B4GALT1: variants seen among roughly 807,000 people sequenced by gnomAD.
B4GALT1 encodes N-acetyllactosamine synthase.
B4GALT1 carries 16 observed loss-of-function variants against 34.9 expected under a neutral mutation model. That is an observed-to-expected ratio of 0.46 (90% CI 0.31 to 0.70). The LOEUF is 0.70. B4GALT1 is among the 30% of genes least tolerant of loss of function. The probability of loss-of-function intolerance (pLI) is 0.05; values close to 1 mark genes in which losing one functional copy is unlikely to be tolerated. For missense variants in B4GALT1, 445 were observed against 530.5 expected (o/e 0.84, Z 1.58); for synonymous variants, 221 against 218.1 (o/e 1.01, Z -0.12).
intron 1 of B4GALT1, among the ~76,000 whole-genome samples, chr9:33,142,708 C>G (rs909988381): frequency 2.6e-5 from 4 of 152,128 alleles, no homozygotes; most frequent in Admixed American, 2.0e-4. Context: ...CTCAAGCAAT[C>G]CTCTCGCCTC....
the B4GALT1 span, among the ~76,000 whole-genome samples, chr9:33,184,205 T>C: frequency 6.6e-6 from 1 of 150,572 alleles, no homozygotes; most frequent in Admixed American, 6.6e-5. Context: ...GAAAAAGAAT[T>C]GTCATCAATC....
At chr9:33,133,344 C>T (rs1276101570) in intron 2 of B4GALT1, among the ~76,000 whole-genome samples, 1 of 152,226 alleles carries the variant, frequency 6.6e-6, no homozygotes, top group Non-Finnish European at 1.5e-5. Context: ...CCCTCATCTA[C>T]TGGCATAGCA....
chr9:33,146,822 T>C (rs1840432607), intron 1 of B4GALT1, among the ~76,000 whole-genome samples: 1 of 152,060 alleles, frequency 6.6e-6, no homozygotes, highest in East Asian at 1.9e-4. Flanking sequence ...GCCTACTGAG[T>C]ACCTGGGAAT....
intron 1 of B4GALT1, among the ~76,000 whole-genome samples, chr9:33,155,235 GA>G (rs946328888): frequency 6.6e-6 from 1 of 152,104 alleles, no homozygotes; most frequent in African/African-American, 2.4e-5. Context: ...CAGTAGGTTG[GA>G]AAGAGAGCTG....
chr9:33,147,484 T>C (rs1471501796), intron 1 of B4GALT1, among the ~76,000 whole-genome samples: 1 of 152,090 alleles, frequency 6.6e-6, no homozygotes, highest in Non-Finnish European at 1.5e-5. Context: ...TGACCTCGGG[T>C]GATCTGCCCA....
At chr9:33,167,374 G>GGGCGGGGCCCCGGCGAA (rs1281090002), upstream of B4GALT1, 18 of 579,440 alleles carry the variant, frequency 3.1e-5, no homozygotes, top group Non-Finnish European at 4.1e-5. Flanking sequence ...GAGAGGGGAG[G>GGGCGGGGCCCCGGCGAA]GGCGGGGCCC....
chr9:33,145,161 T>A (rs1320544423), intron 1 of B4GALT1, among the ~76,000 whole-genome samples: 3 of 152,038 alleles, frequency 2.0e-5, no homozygotes, highest in Non-Finnish European at 4.4e-5. Flanking sequence ...TGTTTCTAGG[T>A]TTAGCACCTG....
intron 3 of B4GALT1, among the ~76,000 whole-genome samples, chr9:33,119,459 G>A (rs1294162941): frequency 6.6e-6 from 1 of 152,238 alleles, no homozygotes; most frequent in Non-Finnish European, 1.5e-5. Flanking sequence ...GTTCACACCT[G>A]TAATCCCAAT....
rs912536638 is a variant in B4GALT1 at position 33,116,715 on chromosome 9, G to T, written c.837-602C>A. 2.0e-5 allele frequency among the ~76,000 whole-genome samples: 3 copies of T among 151,834 alleles called. No individual in the cohort carries two copies. The South Asian group carries it at 6.3e-4, about 32-fold the overall frequency. On this transcript the variant is annotated intron_variant, in intron 3 of 5. Coordinates refer to ENST00000379731, the MANE Select transcript of B4GALT1 (RefSeq NM_001497.4). The stretch of plus-strand genomic sequence containing the variant: ...TTTTTGTATTTTTAGTACAGATGGG[G>T]TTTCACCATATTGGTCAGGCTGGTC...
chr9:33,145,629 C>A (rs1840414216), intron 1 of B4GALT1, among the ~76,000 whole-genome samples: 1 of 144,682 alleles, frequency 6.9e-6, no homozygotes, highest in Non-Finnish European at 1.5e-5. Flanking sequence ...AGGAAAGAAA[C>A]TGAAGGCCAT....
intron 1 of B4GALT1, among the ~76,000 whole-genome samples, chr9:33,139,119 A>C (rs891950503): frequency 1.3e-5 from 2 of 152,166 alleles, no homozygotes; most frequent in Admixed American, 1.3e-4. Context: ...GATATGTATC[A>C]AGACCACTTT....
chr9:33,140,591 G>A (rs1840334480), intron 1 of B4GALT1, among the ~76,000 whole-genome samples: 1 of 152,170 alleles, frequency 6.6e-6, no homozygotes, highest in Non-Finnish European at 1.5e-5. Context: ...GGAAACATTT[G>A]GGAACACGTG....
At chr9:33,118,733 C>A (rs1465030328) in intron 3 of B4GALT1, among the ~76,000 whole-genome samples, 1 of 152,036 alleles carries the variant, frequency 6.6e-6, no homozygotes, top group Non-Finnish European at 1.5e-5. Flanking sequence ...TCTACATGAG[C>A]CAACCACACT....
chr9:33,109,077 T>C (rs941131621), downstream of B4GALT1, among the ~76,000 whole-genome samples: 87 of 152,344 alleles, frequency 5.7e-4, no homozygotes, highest in African/African-American at 1.9e-3. Flanking sequence ...GGATGGGGAC[T>C]GGTCACCAGA....
intron 2 of B4GALT1, among the ~76,000 whole-genome samples, chr9:33,126,718 C>G (rs545656668): frequency 3.2e-4 from 20 of 63,110 alleles, no homozygotes; most frequent in African/African-American, 9.2e-4. Flanking sequence ...AACTCTTCAC[C>G]CCAGTGAGTG....
downstream of B4GALT1, among the ~76,000 whole-genome samples, chr9:33,106,370 A>G (rs1839796910): frequency 6.6e-6 from 1 of 151,756 alleles, no homozygotes; most frequent in Non-Finnish European, 1.5e-5. Context: ...CCTATTTCTT[A>G]CTCCTGGGAG....
chr9:33,108,461 A>AAG, downstream of B4GALT1, among the ~76,000 whole-genome samples: 1 of 151,636 alleles, frequency 6.6e-6, no homozygotes, highest in East Asian at 1.9e-4. Flanking sequence ...AAAAAAAAAA[A>AAG]AAATTCTGAA....
chr9:33,180,525 C>A, the B4GALT1 span, among the ~76,000 whole-genome samples: 1 of 152,208 alleles, frequency 6.6e-6, no homozygotes, highest in African/African-American at 2.4e-5. Context: ...CATGTACCAA[C>A]CAGAGTTTTT....
chr9:33,104,276 A>G (rs55901279), exon 3 of B4GALT1: 9,718 of 154,142 alleles, frequency 0.063, 405 homozygotes, highest in East Asian at 0.13. Flanking sequence ...AGCTGACTCC[A>G]TTTTCACCCC....
Sources: allele counts gnomAD v4.1 joint callset (sites outside exome capture counted in the v4.1 genomes callset), GRCh38; gene constraint gnomAD v4.1.1; transcripts MANE v1.5; gene names NCBI Gene and HGNC (gene_info 2026-07-23, HGNC 2026-07-21).